The following FBXW11 variants were observed in gnomAD, a reference collection of about 807,000 sequenced individuals.
FBXW11 encodes F-box/WD repeat-containing protein 11.
FBXW11 carries 19 observed loss-of-function variants against 77.6 expected under a neutral mutation model. The observed-to-expected ratio is 0.24, with a 90% confidence interval of 0.17 to 0.36. The LOEUF (loss-of-function observed/expected upper bound fraction) is 0.36, where lower values mean the gene tolerates loss of function less well. Among genes scored for constraint, FBXW11 ranks in the 10% least tolerant of loss-of-function variants. The pLI is 1.00. For synonymous variants in FBXW11, 235 were observed against 249.4 expected (o/e 0.94, Z 0.54); for missense variants, 334 against 704.2 (o/e 0.47, Z 5.95).
At chr5:171,974,007 G>C (rs1387881004) in intron 1 of FBXW11, among the ~76,000 whole-genome samples, 1 of 152,106 alleles carries the variant, frequency 6.6e-6, no homozygotes, top group Non-Finnish European at 1.5e-5. Context: ...GAAATTCATG[G>C]ATAGATGGAT....
chr5:171,869,904 T>G lies in FBXW11; in HGVS notation c.1452-97A>C, dbSNP rs1244675088. On this transcript the variant is annotated intron_variant, in intron 11 of 13. Transcript: ENST00000517395. This position sits in a 1 kb window ranked among gnomAD's most constrained non-coding sequence, Gnocchi z 4.1. ...AAAAGTAGTGCATCTGAACTGCCTATTTATAAAAGCTAATGGGGAACATGC... is the reference window on the plus strand; with the variant it reads ...AAAAGTAGTGCATCTGAACTGCCTAGTTATAAAAGCTAATGGGGAACATGC... 2 of 651,368 alleles carry G rather than the reference T, an allele frequency of 3.1e-6. No individual in the cohort carries two copies. The allele number at this position is 651,368 out of a possible 1,614,324, so 40.3% of individuals were successfully genotyped here.
At chr5:171,913,048 TAAAGG>T (rs1760982863) in intron 3 of FBXW11, among the ~76,000 whole-genome samples, 1 of 151,784 alleles carries the variant, frequency 6.6e-6, no homozygotes, top group African/African-American at 2.4e-5. Flanking sequence ...CATGACAGAG[TAAAGG>T]ATATACATCA....
At chr5:171,870,157 C>T (rs2113752228) in intron 11 of FBXW11, among the ~76,000 whole-genome samples, 1 of 152,210 alleles carries the variant, frequency 6.6e-6, no homozygotes, top group East Asian at 1.9e-4. Context: ...GAAGCTAGGG[C>T]TCTGTGTGAA....
At chr5:171,902,085 G>C (rs532725128) in intron 4 of FBXW11, among the ~76,000 whole-genome samples, 32 of 152,264 alleles carry the variant, frequency 2.1e-4, no homozygotes, top group Middle Eastern at 3.4e-3. Flanking sequence ...TGCGACATCC[G>C]GTCTGTAGTC....
intron 1 of FBXW11, among the ~76,000 whole-genome samples, chr5:171,988,672 C>A (rs1052601760): frequency 6.6e-6 from 1 of 151,688 alleles, no homozygotes; most frequent in African/African-American, 2.4e-5. Flanking sequence ...TAGCAAAATC[C>A]TGTCTCTAAT....
intron 3 of FBXW11, among the ~76,000 whole-genome samples, chr5:171,912,742 A>G (rs747025245): frequency 2.0e-5 from 3 of 151,976 alleles, no homozygotes; most frequent in Non-Finnish European, 4.4e-5. Context: ...CCCTGTCTCT[A>G]CTAAAAATAC....
At position 171,963,099 on chromosome 5, in the gene FBXW11, T is replaced by A. The variant is rs566877006; in HGVS notation, c.46-5401A>T. 4.6e-5 allele frequency among the ~76,000 whole-genome samples: 7 copies of A among 152,264 alleles called. 1 individual carries two copies. The East Asian group carries it at 1.3e-3, about 29-fold the overall frequency. ...AAAAACTTATCTGAACTTATATCTA[T>A]CTGCACATAGTAAAGCAATTAAGAC... On this transcript the variant is annotated intron_variant, in intron 1 of 13. Coordinates refer to ENST00000517395, the MANE Select transcript of FBXW11 (RefSeq NM_001378974.1).
intron 2 of FBXW11, among the ~76,000 whole-genome samples, chr5:171,949,446 T>C (rs982024941): frequency 3.9e-5 from 6 of 152,146 alleles, no homozygotes; most frequent in Non-Finnish European, 7.4e-5. Context: ...CACAATGCTA[T>C]AAACCACTAG....
At chr5:171,877,935 C>G in intron 8 of FBXW11, 76 bp downstream of exon 8, 1 of 1,058,180 alleles carries the variant, frequency 9.5e-7, no homozygotes, top group Admixed American at 1.9e-5. Flanking sequence ...GTATGCCTCT[C>G]CCAGAGGAGG....
chr5:171,893,934 T>C (rs1211962833), intron 6 of FBXW11, among the ~76,000 whole-genome samples: 1 of 151,936 alleles, frequency 6.6e-6, no homozygotes, highest in East Asian at 1.9e-4. Flanking sequence ...GCACATTTAC[T>C]ACCGCATGAG....
chr5:171,946,576 C>A (rs1234852854), intron 2 of FBXW11, among the ~76,000 whole-genome samples: 1 of 152,140 alleles, frequency 6.6e-6, no homozygotes, highest in Non-Finnish European at 1.5e-5. Flanking sequence ...TAACATGCCA[C>A]AAACATTCCT....
intron 1 of FBXW11, among the ~76,000 whole-genome samples, chr5:171,968,731 G>A (rs867615760): frequency 6.6e-6 from 1 of 151,994 alleles, no homozygotes; most frequent in African/African-American, 2.4e-5. Context: ...TTATACTAGT[G>A]CCCCTGTCCC....
chr5:171,961,281 C>T (rs1412808459), intron 1 of FBXW11, among the ~76,000 whole-genome samples: 2 of 152,238 alleles, frequency 1.3e-5, no homozygotes, highest in Non-Finnish European at 2.9e-5. Context: ...ACTCTCAGAT[C>T]ATCCCAGGAC....
chr5:171,917,900 T>C (rs1761357658), intron 2 of FBXW11, among the ~76,000 whole-genome samples: 1 of 152,118 alleles, frequency 6.6e-6, no homozygotes, highest in African/African-American at 2.4e-5. Flanking sequence ...TATACTATTA[T>C]TTTAAAATTA....
At chr5:171,949,750 A>G (rs1294632064) in intron 2 of FBXW11, among the ~76,000 whole-genome samples, 1 of 152,194 alleles carries the variant, frequency 6.6e-6, no homozygotes, top group Non-Finnish European at 1.5e-5. Context: ...ATTCCAACCC[A>G]TTAGCAATTA....
At chr5:171,921,133 C>T (rs1451243123) in intron 2 of FBXW11, among the ~76,000 whole-genome samples, 1 of 152,208 alleles carries the variant, frequency 6.6e-6, no homozygotes, top group Admixed American at 6.5e-5. Flanking sequence ...CCTAGAATCT[C>T]TTCTGTACAT....
intron 1 of FBXW11, among the ~76,000 whole-genome samples, chr5:171,970,464 C>T (rs1376055402): frequency 6.6e-6 from 1 of 152,176 alleles, no homozygotes; most frequent in African/African-American, 2.4e-5. Context: ...CACCCAGTCT[C>T]GGGTAGCTCT....
At chr5:171,957,459 A>G (rs1160861856) in intron 2 of FBXW11, 138 bp downstream of exon 2, 10 of 828,326 alleles carry the variant, frequency 1.2e-5, no homozygotes. Flanking sequence ...CATGTGGGGC[A>G]CCCAGGCTGG....
chr5:171,960,104 G>A (rs1763827648), intron 1 of FBXW11, among the ~76,000 whole-genome samples: 1 of 152,194 alleles, frequency 6.6e-6, no homozygotes, highest in Non-Finnish European at 1.5e-5. Flanking sequence ...AGCCAGGTGA[G>A]GTGGCTCACG....
Sources: gnomAD v4.1 joint callset for allele counts (sites outside exome capture counted in the v4.1 genomes callset) on GRCh38, gnomAD v4.1.1 for gene constraint, Gnocchi (gnomAD v3.1) non-coding constraint, MANE v1.5 for transcripts, NCBI Gene and HGNC (gene_info 2026-07-23, HGNC 2026-07-21) for gene names.